MOK: variants seen among roughly 807,000 people sequenced by gnomAD.
MOK encodes MAPK/MAK/MRK overlapping kinase.
MOK carries 59 observed loss-of-function variants against 54.2 expected under a neutral mutation model. The ratio of observed to expected loss-of-function variants is 1.09; its 90% CI spans 0.88 to 1.35. MOK has a LOEUF of 1.35. Ranked by LOEUF, MOK falls within the 40% of genes most tolerant of loss-of-function variation. MOK has a pLI of 0.00. For synonymous variants in MOK, 210 were observed against 202.7 expected (o/e 1.04, Z -0.31); for missense variants, 517 against 526.2 (o/e 0.98, Z 0.17).
intron 7 of MOK, among the ~76,000 whole-genome samples, chr14:102,242,048 C>G (rs890490532): frequency 6.6e-6 from 1 of 152,346 alleles, no homozygotes; most frequent in Non-Finnish European, 1.5e-5. Flanking sequence ...GGAACTCTGG[C>G]CCAAGGCTCT....
chr14:102,286,664 C>T (rs1173196759), intron 1 of MOK, among the ~76,000 whole-genome samples: 2 of 152,060 alleles, frequency 1.3e-5, no homozygotes, highest in South Asian at 2.1e-4. Context: ...TTAATGATTG[C>T]ACCATTAATC....
chr14:102,302,850 G>A (rs1018242574), intron 1 of MOK, among the ~76,000 whole-genome samples: 7 of 151,502 alleles, frequency 4.6e-5, no homozygotes, highest in African/African-American at 1.7e-4. Context: ...GATGCCTCTA[G>A]GTAGTGGGGT....
chr14:102,246,734 C>T (rs568692347), intron 7 of MOK, among the ~76,000 whole-genome samples: 2 of 152,312 alleles, frequency 1.3e-5, no homozygotes, highest in East Asian at 3.9e-4. Flanking sequence ...TACATGCCTA[C>T]TTACGCAACC....
chr14:102,215,479 G>A, the MOK span, among the ~76,000 whole-genome samples: 1 of 152,168 alleles, frequency 6.6e-6, no homozygotes, highest in Non-Finnish European at 1.5e-5. Flanking sequence ...TTTGCTGTAA[G>A]TTCTGGGATA....
chr14:102,294,445 CAA>C (rs540805039), intron 1 of MOK, among the ~76,000 whole-genome samples: 21 of 63,964 alleles, frequency 3.3e-4, no homozygotes, highest in Admixed American at 5.7e-4. Flanking sequence ...GACTCCGTCT[CAA>C]AAAAAAAAAA....
downstream of MOK, among the ~76,000 whole-genome samples, chr14:102,222,659 G>A (rs554764674): frequency 9.1e-4 from 138 of 152,324 alleles, no homozygotes; most frequent in African/African-American, 3.2e-3. This position sits in a 1 kb window ranked among gnomAD's most constrained non-coding sequence, Gnocchi z 4.4. Context: ...GGAATGGAAC[G>A]CAGTGATCTG....
downstream of MOK, among the ~76,000 whole-genome samples, chr14:102,219,961 A>T (rs2063701515): frequency 6.6e-6 from 1 of 152,246 alleles, no homozygotes; most frequent in Admixed American, 6.5e-5. Flanking sequence ...CCTAGCTGCC[A>T]CCACAATTGG....
chr14:102,263,856 T>C, intron 3 of MOK: 1 of 372,526 alleles, frequency 2.7e-6, no homozygotes, highest in South Asian at 4.5e-5. Context: ...AAAACAGATA[T>C]GTCTTGAAAA....
chr14:102,214,626 TTGTTA>T, the MOK span: 2 of 985,168 alleles, frequency 2.0e-6, no homozygotes, highest in Non-Finnish European at 2.4e-6. Context: ...TTATTAGAGA[TTGTTA>T]TGTTAGGCGA....
At chr14:102,286,298 CAAAAAAAAAAAAAA>C (rs60479729) in intron 1 of MOK, among the ~76,000 whole-genome samples, 190 of 25,606 alleles carry the variant, frequency 7.4e-3, no homozygotes, top group African/African-American at 0.022. Context: ...GACTCCGTCT[CAAAAAAAAAAAAAA>C]AAAAAAAAAA....
At chr14:102,275,551 G>A (rs1443668617) in intron 2 of MOK, among the ~76,000 whole-genome samples, 4 of 129,044 alleles carry the variant, frequency 3.1e-5, no homozygotes, top group African/African-American at 3.2e-5. Flanking sequence ...GTGACAGAGC[G>A]AGACTCCATC....
At position 102,263,664 on chromosome 14, in the gene MOK, G is replaced by C. The variant is rs779591804; in HGVS notation, c.213-48C>G. Reference sequence around the variant, plus strand: ...AAAATAAATTTTCTGGCCTTAATCAGAAAATATAATCCAATATTTAATTCA... The same window carrying C: ...AAAATAAATTTTCTGGCCTTAATCACAAAATATAATCCAATATTTAATTCA... On this transcript the variant is annotated intron_variant, in intron 3 of 11. Coordinates refer to ENST00000361847, the MANE Select transcript of MOK (RefSeq NM_014226.3). The C allele has an allele frequency of 1.1e-5, 14 of 1,295,422 alleles. No individual in the cohort carries two copies. In the Admixed American group the frequency reaches 2.6e-4, roughly 24 times the overall value. 80.2% of individuals were successfully genotyped at this position (1,295,422 alleles called of 1,614,324 possible). A position where few individuals can be genotyped will look rare whatever the true frequency, so the allele number is the denominator to read the frequency against.
intron 4 of MOK, among the ~76,000 whole-genome samples, chr14:102,257,107 T>G (rs895346248): frequency 6.6e-6 from 1 of 150,876 alleles, no homozygotes; most frequent in African/African-American, 2.4e-5. Flanking sequence ...CCATCTAGCA[T>G]GCCAGGCCTG....
rs201791437 is a variant in MOK at position 102,263,541 on chromosome 14, C to A, written c.283+5G>T. ...TTAGGTTAGCTTTCAAATTATTCTA[C>A]GTACCTCGTATTAGCTCATAAATAT... On this transcript the variant is annotated splice_donor_5th_base_variant and intron_variant, in intron 4 of 11. Transcript: ENST00000361847. 3.2e-6 allele frequency: 5 copies of A among 1,582,626 alleles called. No homozygotes were observed. The African/African-American group carries it at 4.1e-5, about 13-fold the overall frequency.
At chr14:102,266,987 A>T (rs10134693) in intron 2 of MOK, among the ~76,000 whole-genome samples, 43,888 of 152,086 alleles carry the variant, frequency 0.29, 7,774 homozygotes, top group African/African-American at 0.51. Flanking sequence ...ATCATGCCAA[A>T]ACAGTGCAAT....
At chr14:102,263,485 A>T in intron 4 of MOK, 61 bp downstream of exon 4, 1 of 1,178,024 alleles carries the variant, frequency 8.5e-7, no homozygotes, top group Non-Finnish European at 1.2e-6. Context: ...ATAACTAAGC[A>T]TATATGAATT....
At chr14:102,253,917 C>A (rs1198806467) in intron 4 of MOK, among the ~76,000 whole-genome samples, 1 of 152,124 alleles carries the variant, frequency 6.6e-6, no homozygotes, top group East Asian at 1.9e-4. Flanking sequence ...TATTCTTTTT[C>A]TCTACTTAAC....
At chr14:102,260,473 A>T (rs568062380) in intron 4 of MOK, 3 of 152,300 alleles carry the variant, frequency 2.0e-5, no homozygotes, top group African/African-American at 7.2e-5. Flanking sequence ...AGCTATTATC[A>T]TTATCATTAT....
intron 1 of MOK, among the ~76,000 whole-genome samples, chr14:102,287,758 T>C (rs948863418): frequency 2.0e-5 from 3 of 151,886 alleles, no homozygotes; most frequent in African/African-American, 7.3e-5. Flanking sequence ...CCCTCATACA[T>C]TGCTGGCAGG....
Sources: gnomAD v4.1 joint callset for allele counts (sites outside exome capture counted in the v4.1 genomes callset) on GRCh38, gnomAD v4.1.1 for gene constraint, Gnocchi (gnomAD v3.1) non-coding constraint, MANE v1.5 for transcripts, NCBI Gene and HGNC (gene_info 2026-07-23, HGNC 2026-07-21) for gene names.